Variants in DLGAP2 observed in about 807,000 individuals in gnomAD.
DLGAP2 encodes the protein DLG associated protein 2.
A neutral mutation model predicts 100.3 loss-of-function variants in DLGAP2; 26 were observed. That is an observed-to-expected ratio of 0.26 (90% CI 0.19 to 0.36). The LOEUF is 0.36. DLGAP2 is among the 10% of genes least tolerant of loss of function. DLGAP2 has a pLI of 1.00. For missense variants in DLGAP2, 1,858 were observed against 1,453.2 expected (o/e 1.28, Z -4.53); for synonymous variants, 886 against 630.1 (o/e 1.41, Z -6.08).
chr8:1,349,912 C>T lies in DLGAP2; in HGVS notation c.106+91029C>T, dbSNP rs1235323352. ...ATCTTTGTTTAATATTGAAAACAAACACATTTGCCTATATCTCTAGGCAGA... is the reference window on the plus strand; with the variant it reads ...ATCTTTGTTTAATATTGAAAACAAATACATTTGCCTATATCTCTAGGCAGA... On this transcript the variant is annotated intron_variant, in intron 3 of 14. Transcript: ENST00000637795. Among the ~76,000 whole-genome samples the T allele has an allele frequency of 2.0e-5, 3 of 152,188 alleles. No individual in the cohort carries two copies. In the East Asian group the frequency reaches 5.8e-4, roughly 29 times the overall value.
chr8:849,398 C>T (rs948555773), intron 1 of DLGAP2, among the ~76,000 whole-genome samples: 2 of 152,242 alleles, frequency 1.3e-5, no homozygotes, highest in African/African-American at 4.8e-5. Context: ...GAATGAACTA[C>T]TGTAAATACT....
intron 2 of DLGAP2, chr8:1,002,290 G>A (rs1033882325): frequency 6.6e-6 from 1 of 152,110 alleles, no homozygotes; most frequent in Non-Finnish European, 1.5e-5. Context: ...CTTCCTCCGG[G>A]GTCTGTGACC....
At chr8:1,668,933 C>T (rs1207290494) in intron 9 of DLGAP2, among the ~76,000 whole-genome samples, 1 of 144,484 alleles carries the variant, frequency 6.9e-6, no homozygotes, top group African/African-American at 2.7e-5. Context: ...CTCCCTGTCC[C>T]CTGCCACCCT....
chr8:1,205,461 C>G (rs1392436697), intron 2 of DLGAP2, among the ~76,000 whole-genome samples: 1 of 152,200 alleles, frequency 6.6e-6, no homozygotes, highest in African/African-American at 2.4e-5. Context: ...ACGTCACAGC[C>G]TCAAAAGCTT....
At chr8:884,242 T>C (rs946355373) in intron 1 of DLGAP2, among the ~76,000 whole-genome samples, 1 of 152,226 alleles carries the variant, frequency 6.6e-6, no homozygotes, top group African/African-American at 2.4e-5. Context: ...TTTGAACTAA[T>C]GTACATTCCC....
rs62488539 is a variant in DLGAP2 at position 1,069,558 on chromosome 8, C to A, written c.73+161592C>A. 2.2e-3 allele frequency among the ~76,000 whole-genome samples: 339 copies of A among 152,262 alleles called. 1 individual carries two copies. The highest frequency in any genetic ancestry group is 3.2e-3 in the Non-Finnish European group (219 of 68,024). ...CAGTGGGACCTGCACATCCGAGAGT[C>A]CGAGCTTTACTGTCCCTTCACCGTG... On this transcript the variant is annotated intron_variant, in intron 2 of 14. Transcript: ENST00000637795.
At chr8:886,003 G>C (rs1797914758) in intron 1 of DLGAP2, among the ~76,000 whole-genome samples, 2 of 152,198 alleles carry the variant, frequency 1.3e-5, no homozygotes, top group South Asian at 4.1e-4. Context: ...ATTTCTGGTA[G>C]AATTCAGCTG....
chr8:1,610,662 A>C (rs1796966175), intron 6 of DLGAP2, among the ~76,000 whole-genome samples: 1 of 132,846 alleles, frequency 7.5e-6, no homozygotes, highest in South Asian at 2.6e-4. Flanking sequence ...AAAGAAAAAA[A>C]GAGAGAAGAA....
chr8:1,522,201 C>G (rs1380869947), intron 4 of DLGAP2, among the ~76,000 whole-genome samples: 3 of 152,224 alleles, frequency 2.0e-5, no homozygotes, highest in Non-Finnish European at 2.9e-5. Context: ...GGGGTCCACT[C>G]AGACCTTTCG....
At chr8:1,627,030 G>C (rs35821406) in intron 7 of DLGAP2, 143 bp downstream of exon 7, 191,901 of 985,112 alleles carry the variant, frequency 0.19, 21,697 homozygotes, top group African/African-American at 0.42. Context: ...GGGTTCCCCT[G>C]GAATTAGCTC....
intron 2 of DLGAP2, among the ~76,000 whole-genome samples, chr8:933,430 T>G (rs1358949076): frequency 8.8e-6 from 1 of 113,400 alleles, no homozygotes; most frequent in Non-Finnish European, 1.8e-5. Flanking sequence ...GCAGTGGACA[T>G]CTGGCTGTGG....
At chr8:895,443 C>T (rs935286986) in intron 1 of DLGAP2, among the ~76,000 whole-genome samples, 1 of 152,158 alleles carries the variant, frequency 6.6e-6, no homozygotes, top group Non-Finnish European at 1.5e-5. Flanking sequence ...AGGGGGCTGT[C>T]GGTCTCTGGA....
At chr8:1,265,586 C>T (rs924888654) in intron 3 of DLGAP2, among the ~76,000 whole-genome samples, 2 of 152,198 alleles carry the variant, frequency 1.3e-5, no homozygotes, top group Non-Finnish European at 2.9e-5. Flanking sequence ...AAGAAATATA[C>T]TGGGCCTCTT....
chr8:1,268,757 A>G (rs1348947116), intron 3 of DLGAP2, among the ~76,000 whole-genome samples: 1 of 152,196 alleles, frequency 6.6e-6, no homozygotes. Flanking sequence ...AAATTTAAAA[A>G]CATTTCCCAA....
intron 6 of DLGAP2, chr8:1,621,728 G>T (rs560313751): frequency 1.3e-5 from 2 of 152,356 alleles, no homozygotes; most frequent in East Asian, 3.9e-4. Flanking sequence ...AGCCTCTGCG[G>T]TCAAGGGTAT....
intron 2 of DLGAP2, among the ~76,000 whole-genome samples, chr8:1,133,708 G>T (rs1055400476): frequency 1.3e-5 from 2 of 152,192 alleles, no homozygotes. Context: ...TTAATCATAT[G>T]AATGTAAGCA....
chr8:1,104,251 G>T (rs1481481698), intron 2 of DLGAP2, among the ~76,000 whole-genome samples: 1 of 152,180 alleles, frequency 6.6e-6, no homozygotes, highest in Non-Finnish European at 1.5e-5. Context: ...GCACTGGATA[G>T]TGGAGGGAGG....
chr8:1,235,508 G>T (rs574976288), intron 2 of DLGAP2, among the ~76,000 whole-genome samples: 14 of 146,586 alleles, frequency 9.6e-5, no homozygotes, highest in Non-Finnish European at 1.8e-4. Context: ...GTCATGTCTA[G>T]TTCTCTCTCA....
intron 2 of DLGAP2, among the ~76,000 whole-genome samples, chr8:1,195,360 C>G (rs974174568): frequency 6.6e-6 from 1 of 152,306 alleles, no homozygotes; most frequent in South Asian, 2.1e-4. Flanking sequence ...GCCAGATGCA[C>G]GCAGCCACCG....
Sources: allele counts gnomAD v4.1 joint callset (sites outside exome capture counted in the v4.1 genomes callset), GRCh38; gene constraint gnomAD v4.1.1; transcripts MANE v1.5; gene names NCBI Gene and HGNC (gene_info 2026-07-23, HGNC 2026-07-21).